Variants in PPTC7 observed in about 807,000 individuals in gnomAD.
PPTC7 encodes the protein protein phosphatase targeting COQ7.
A neutral mutation model predicts 30.8 loss-of-function variants in PPTC7; 6 were observed. The observed-to-expected ratio is 0.19, with a 90% CI of 0.11 to 0.38. The LOEUF (loss-of-function observed/expected upper bound fraction) is 0.38, where lower values mean the gene tolerates loss of function less well. Among genes scored for constraint, PPTC7 ranks in the 10% least tolerant of loss-of-function variants. The pLI is 1.00. For synonymous variants in PPTC7, 163 were observed against 168.1 expected, an observed-to-expected ratio of 0.97 and a Z score of 0.23; for missense variants, 218 against 404.8, an observed-to-expected ratio of 0.54 and a Z score of 3.96.
At chr12:110,572,972 C>T (rs777262892) in intron 1 of PPTC7, among the ~76,000 whole-genome samples, 16 of 152,134 alleles carry the variant, frequency 1.1e-4, no homozygotes, top group African/African-American at 1.9e-4. Context: ...CTCCGCCTCC[C>T]GGGTTCAAGT....
intron 1 of PPTC7, among the ~76,000 whole-genome samples, chr12:110,576,075 G>C (rs1341979052): frequency 6.6e-6 from 1 of 151,988 alleles, no homozygotes; most frequent in Non-Finnish European, 1.5e-5. Context: ...CTAGTCAATG[G>C]CTTCCTAAAC....
intron 5 of PPTC7, 102 bp downstream of exon 5, chr12:110,538,042 G>T: frequency 7.8e-7 from 1 of 1,276,160 alleles, no homozygotes; most frequent in Non-Finnish European, 1.1e-6. Flanking sequence ...TTTGGGGGCT[G>T]GGAGAGGACA....
chr12:110,581,155 T>C (rs1452147765), intron 1 of PPTC7, among the ~76,000 whole-genome samples: 3 of 152,224 alleles, frequency 2.0e-5, no homozygotes, highest in Non-Finnish European at 1.5e-5. Flanking sequence ...ACACTTGTAA[T>C]CCCAGCACCT....
chr12:110,572,402 T>C (rs949373093), intron 1 of PPTC7, among the ~76,000 whole-genome samples: 9 of 151,998 alleles, frequency 5.9e-5, no homozygotes, highest in African/African-American at 1.7e-4. Context: ...GACCACGCCA[T>C]TGCACTCCTG....
chr12:110,553,533 C>T (rs886585293), intron 1 of PPTC7, among the ~76,000 whole-genome samples: 8 of 152,086 alleles, frequency 5.3e-5, no homozygotes, highest in Admixed American at 2.0e-4. Context: ...AATCCCAGCA[C>T]GTTGGGAGGC....
At chr12:110,579,893 A>G (rs1043723383) in intron 1 of PPTC7, among the ~76,000 whole-genome samples, 3 of 152,002 alleles carry the variant, frequency 2.0e-5, no homozygotes, top group Non-Finnish European at 4.4e-5. Context: ...CGCGCCTGTA[A>G]TCCCAGCTAC....
At chr12:110,543,896 C>T (rs1286977875) in intron 3 of PPTC7, among the ~76,000 whole-genome samples, 1 of 152,184 alleles carries the variant, frequency 6.6e-6, no homozygotes. Context: ...GTCCCACAGA[C>T]AGTGTGTGAG....
At chr12:110,563,122 C>CAAAAAAAAAAAAAAAAA (rs766517371) in intron 1 of PPTC7, among the ~76,000 whole-genome samples, 5 of 43,092 alleles carry the variant, frequency 1.2e-4, no homozygotes, top group African/African-American at 1.6e-4. Context: ...GACTCCATCT[C>CAAAAAAAAAAAAAAAAA]AAAAAAAAAA....
chr12:110,565,506 T>C (rs2064476530), intron 1 of PPTC7, among the ~76,000 whole-genome samples: 2 of 151,730 alleles, frequency 1.3e-5, no homozygotes, highest in South Asian at 2.1e-4. Flanking sequence ...CATCCCGCCT[T>C]GGCCTCCCAA....
chr12:110,556,166 A>G (rs2064385498), intron 1 of PPTC7, among the ~76,000 whole-genome samples: 1 of 152,260 alleles, frequency 6.6e-6, no homozygotes, highest in African/African-American at 2.4e-5. Context: ...AACATTAATC[A>G]GATTTCTCCC....
chr12:110,542,266 G>A (rs1311154649), intron 3 of PPTC7, among the ~76,000 whole-genome samples: 1 of 151,960 alleles, frequency 6.6e-6, no homozygotes, highest in African/African-American at 2.4e-5. Flanking sequence ...AAAGCAAGGT[G>A]AAGACGGTGT....
chr12:110,563,084 A>G (rs1371318878), intron 1 of PPTC7, among the ~76,000 whole-genome samples: 1 of 134,526 alleles, frequency 7.4e-6, no homozygotes, highest in Non-Finnish European at 1.5e-5. Flanking sequence ...GCGCCATTGC[A>G]CTCCAGCCTG....
intron 1 of PPTC7, 111 bp from the exon 2 acceptor site, chr12:110,552,079 T>C (rs997869348): frequency 1.2e-6 from 1 of 809,874 alleles, no homozygotes; most frequent in Non-Finnish European, 1.9e-6. Context: ...CTACATACAT[T>C]CACTCCAAAA....
intron 1 of PPTC7, among the ~76,000 whole-genome samples, chr12:110,554,338 T>C (rs954416147): frequency 2.6e-5 from 4 of 152,072 alleles, no homozygotes; most frequent in Non-Finnish European, 2.9e-5. Context: ...CACACCCAGC[T>C]AGTTTTTGTT....
chr12:110,553,232 C>T (rs1343625961), intron 1 of PPTC7, among the ~76,000 whole-genome samples: 4 of 151,652 alleles, frequency 2.6e-5, no homozygotes, highest in Non-Finnish European at 4.4e-5. Context: ...ACCGCAACCT[C>T]TCCGCCTCCT....
At chr12:110,563,597 A>C (rs2064456554) in intron 1 of PPTC7, among the ~76,000 whole-genome samples, 1 of 152,030 alleles carries the variant, frequency 6.6e-6, no homozygotes, top group Non-Finnish European at 1.5e-5. Flanking sequence ...CCTGGGCAAC[A>C]AGAGCGAAAA....
intron 4 of PPTC7, 107 bp from the exon 5 acceptor site, chr12:110,538,380 TA>T (rs1317451848): frequency 9.6e-7 from 1 of 1,041,370 alleles, no homozygotes; most frequent in Non-Finnish European, 1.4e-6. Flanking sequence ...GAAAAGACAT[TA>T]AAACATCATG....
rs971413916 is a variant in PPTC7, at chr12:110,533,920, A to G, written c.*3117T>C. 1.3e-5 allele frequency: 2 copies of G among 152,232 alleles called. No individual in the cohort carries two copies. Among genetic ancestry groups the G allele is most frequent in the Non-Finnish European group, 2.9e-5 (2 of 68,052 alleles). 9.4% of individuals were successfully genotyped at this position (152,232 alleles called of 1,614,324 possible). On this transcript the variant is annotated 3_prime_UTR_variant, in exon 6 of 6. Coordinates refer to ENST00000354300, the MANE Select transcript of PPTC7 (RefSeq NM_139283.2). ...ATAGAGGAGAGGACGCTCTCCCATCATGCAAAGCTTGAAACCCAGTTTCTA... is the reference window on the plus strand; with the variant it reads ...ATAGAGGAGAGGACGCTCTCCCATCGTGCAAAGCTTGAAACCCAGTTTCTA...
intron 3 of PPTC7, among the ~76,000 whole-genome samples, chr12:110,540,371 G>C (rs1042069431): frequency 1.7e-4 from 24 of 144,162 alleles, no homozygotes; most frequent in Non-Finnish European, 3.1e-4. Flanking sequence ...GTCGAGGCTG[G>C]AATGCAGTGG....
Sources: gnomAD v4.1 joint callset for allele counts (sites outside exome capture counted in the v4.1 genomes callset) on GRCh38, gnomAD v4.1.1 for gene constraint, MANE v1.5 for transcripts, NCBI Gene and HGNC (gene_info 2026-07-23, HGNC 2026-07-21) for gene names.